The following CDKN2B-AS1 variants were observed in gnomAD, a reference collection of about 807,000 sequenced individuals.
CDKN2B-AS1 encodes CDKN2B antisense RNA 1 (non-protein coding).
In CDKN2B-AS1 at chr9:21,997,430, G is replaced by C. The variant is rs575432212; in HGVS notation, n.29+2269G>C. Among the ~76,000 whole-genome samples, 4 of 150,006 alleles carry C rather than the reference G, an allele frequency of 2.7e-5. No individual in the cohort carries two copies. Among genetic ancestry groups the C allele is most frequent in the African/African-American group, 9.8e-5 (4 of 40,610 alleles). Reference sequence around the variant, plus strand: ...TGTGTGTATACAATTTTATATATACGTACATTATATGTCTACACACACATA... The same window carrying C: ...TGTGTGTATACAATTTTATATATACCTACATTATATGTCTACACACACATA... On this transcript the variant is annotated intron_variant and non_coding_transcript_variant, in intron 1 of 4. Coordinates refer to ENST00000650946, the Ensembl canonical transcript of CDKN2B-AS1. This position sits in a 1 kb window ranked among gnomAD's most constrained non-coding sequence, Gnocchi z 4.8.
At chr9:22,106,314 C>G (rs560447981) in intron 4 of CDKN2B-AS1, among the ~76,000 whole-genome samples, 1 of 152,102 alleles carries the variant, frequency 6.6e-6, no homozygotes, top group African/African-American at 2.4e-5. Flanking sequence ...AACTCTTGAC[C>G]TCATGATCCG....
At chr9:22,054,903 C>A (rs948900514) in intron 3 of CDKN2B-AS1, among the ~76,000 whole-genome samples, 2 of 151,780 alleles carry the variant, frequency 1.3e-5, no homozygotes, top group Admixed American at 1.3e-4. Context: ...AGGCACCTGC[C>A]ACCATGCCTG....
chr9:22,026,646 C>G (rs1309062421), intron 1 of CDKN2B-AS1, among the ~76,000 whole-genome samples: 1 of 152,170 alleles, frequency 6.6e-6, no homozygotes, highest in African/African-American at 2.4e-5. Context: ...CTGGATTCAG[C>G]CTCTTTTCTG....
intron 4 of CDKN2B-AS1, among the ~76,000 whole-genome samples, chr9:22,102,150 A>G (rs1563982920): frequency 6.6e-6 from 1 of 152,182 alleles, no homozygotes; most frequent in East Asian, 1.9e-4. Flanking sequence ...ATGGTAACTG[A>G]GATGCATCTG....
At chr9:22,033,435 A>G (rs1822558433) in intron 1 of CDKN2B-AS1, among the ~76,000 whole-genome samples, 1 of 152,106 alleles carries the variant, frequency 6.6e-6, no homozygotes, top group Admixed American at 6.6e-5. Context: ...CTAAACATAC[A>G]CATGCATATG....
intron 4 of CDKN2B-AS1, among the ~76,000 whole-genome samples, chr9:22,090,926 C>T (rs1314026214): frequency 2.0e-5 from 3 of 152,036 alleles, no homozygotes; most frequent in Non-Finnish European, 2.9e-5. Flanking sequence ...AATGGTATTG[C>T]CTAGGTTTTC....
At chr9:22,061,033 TA>T (rs1166147718) in intron 4 of CDKN2B-AS1, among the ~76,000 whole-genome samples, 1 of 152,146 alleles carries the variant, frequency 6.6e-6, no homozygotes, top group Non-Finnish European at 1.5e-5. Flanking sequence ...CAAGTTTTTT[TA>T]AAAAAACAAA....
chr9:22,074,952 G>A (rs1165014988), intron 4 of CDKN2B-AS1, among the ~76,000 whole-genome samples: 1 of 152,176 alleles, frequency 6.6e-6, no homozygotes, highest in African/African-American at 2.4e-5. Context: ...CATTGGTGGT[G>A]GAAGAGAGAA....
chr9:22,040,499 A>G (rs1290980922), intron 1 of CDKN2B-AS1, among the ~76,000 whole-genome samples: 4 of 151,982 alleles, frequency 2.6e-5, no homozygotes, highest in Non-Finnish European at 5.9e-5. Flanking sequence ...GATCATAACC[A>G]ACATCAGACT....
intron 1 of CDKN2B-AS1, among the ~76,000 whole-genome samples, chr9:22,025,590 G>A (rs1204867340): frequency 6.6e-6 from 1 of 152,178 alleles, no homozygotes; most frequent in African/African-American, 2.4e-5. Flanking sequence ...GGCTGCTGTA[G>A]TATGCTGGGG....
chr9:22,120,531 A>G (rs1185947263), intron 4 of CDKN2B-AS1: 1 of 152,160 alleles, frequency 6.6e-6, no homozygotes, highest in Non-Finnish European at 1.5e-5. Flanking sequence ...CAGAAAGATG[A>G]AAAGTGATTT....
chr9:22,049,734 G>GT (rs1342499997), intron 3 of CDKN2B-AS1, among the ~76,000 whole-genome samples: 1 of 152,108 alleles, frequency 6.6e-6, no homozygotes, highest in Non-Finnish European at 1.5e-5. Context: ...CAATAAATTT[G>GT]TTTATACACT....
At chr9:22,011,117 G>A (rs187082118) in intron 1 of CDKN2B-AS1, among the ~76,000 whole-genome samples, 4 of 152,292 alleles carry the variant, frequency 2.6e-5, no homozygotes, top group Middle Eastern at 6.8e-3. Context: ...CACGGACAGC[G>A]CTTTGCTTAT....
intron 4 of CDKN2B-AS1, among the ~76,000 whole-genome samples, chr9:22,103,131 A>ATGTGTG (rs3221506): frequency 0.07 from 9,260 of 132,332 alleles, 369 homozygotes; most frequent in Non-Finnish European, 0.079. Context: ...TCTAGAACAG[A>ATGTGTG]TGTGTGTGTG....
At chr9:22,122,559 C>T (rs1273040308) in intron 4 of CDKN2B-AS1, among the ~76,000 whole-genome samples, 1 of 151,986 alleles carries the variant, frequency 6.6e-6, no homozygotes, top group East Asian at 1.9e-4. Flanking sequence ...ATCCATTTTG[C>T]AATGATATTT....
intron 1 of CDKN2B-AS1, among the ~76,000 whole-genome samples, chr9:22,045,835 G>C (rs1455744223): frequency 6.6e-6 from 1 of 152,020 alleles, no homozygotes; most frequent in Non-Finnish European, 1.5e-5. Context: ...TCAAGATTGT[G>C]GTCCAAGCTC....
intron 4 of CDKN2B-AS1, among the ~76,000 whole-genome samples, chr9:22,078,607 A>T (rs1268235413): frequency 6.7e-6 from 1 of 149,470 alleles, no homozygotes; most frequent in Non-Finnish European, 1.5e-5. Flanking sequence ...AGATCTTGTT[A>T]AAATGCTAAA....
At chr9:22,126,571 A>ATTATTTTTTT (rs1818026896) in intron 4 of CDKN2B-AS1, among the ~76,000 whole-genome samples, 1 of 100,602 alleles carries the variant, frequency 9.9e-6, no homozygotes, top group African/African-American at 4.4e-5. Flanking sequence ...GAGTAAGTGG[A>ATTATTTTTTT]TTCTTTTTTT....
At chr9:22,126,251 C>T (rs541116740) in intron 4 of CDKN2B-AS1, among the ~76,000 whole-genome samples, 2 of 152,146 alleles carry the variant, frequency 1.3e-5, no homozygotes, top group African/African-American at 4.8e-5. Context: ...AATCATACAT[C>T]CATGTCCATA....
Sources: gnomAD v4.1 joint callset for allele counts (sites outside exome capture counted in the v4.1 genomes callset) on GRCh38, gnomAD v4.1.1 for gene constraint, Gnocchi (gnomAD v3.1) non-coding constraint, MANE v1.5 for transcripts, NCBI Gene and HGNC (gene_info 2026-07-23, HGNC 2026-07-21) for gene names.